The following SNTG2 variants were observed in gnomAD, a reference collection of about 807,000 sequenced individuals.
SNTG2 encodes syntrophin gamma 2, also known as gamma-2-syntrophin.
Under a neutral mutation model 70.9 loss-of-function variants are expected in SNTG2, and 74 were observed. The ratio of observed to expected loss-of-function variants is 1.04; its 90% CI spans 0.86 to 1.27. The LOEUF is 1.27. SNTG2 is among the 50% of genes most tolerant of loss of function. The pLI, the probability that SNTG2 is intolerant of heterozygous loss-of-function variation, is 0.00. For synonymous variants in SNTG2, 278 were observed against 273.8 expected, an observed-to-expected ratio of 1.02 and a Z score of -0.15; for missense variants, 717 against 690.7, an observed-to-expected ratio of 1.04 and a Z score of -0.43.
At chr2:1,264,086 T>G (rs139889559) in intron 13 of SNTG2, among the ~76,000 whole-genome samples, 110 of 152,346 alleles carry the variant, frequency 7.2e-4, no homozygotes, top group African/African-American at 2.5e-3. Context: ...TAAAAACCTC[T>G]TAAGACAAAC....
At chr2:1,341,247 A>G (rs778443792) in intron 16 of SNTG2, 1 of 152,204 alleles carries the variant, frequency 6.6e-6, no homozygotes, top group African/African-American at 2.4e-5. Context: ...GCTCAGGATG[A>G]TCCCTTTGTT....
chr2:1,322,982 G>A (rs73179440), intron 16 of SNTG2, among the ~76,000 whole-genome samples: 2,106 of 152,280 alleles, frequency 0.014, 44 homozygotes, highest in African/African-American at 0.046. Flanking sequence ...AAACTCATGA[G>A]CCAACCCCTT....
At chr2:1,253,675 G>C (rs1348896004) in intron 12 of SNTG2, among the ~76,000 whole-genome samples, 2 of 152,198 alleles carry the variant, frequency 1.3e-5, no homozygotes, top group East Asian at 3.9e-4. Context: ...ATTCGTCTGT[G>C]TTCACATTGC....
chr2:1,311,515 A>G (rs990601999), intron 15 of SNTG2, among the ~76,000 whole-genome samples: 1 of 152,216 alleles, frequency 6.6e-6, no homozygotes, highest in Non-Finnish European at 1.5e-5. Flanking sequence ...AAATGTTTAT[A>G]ATTTTCCTTT....
At chr2:1,318,487 G>T (rs1243713733) in intron 16 of SNTG2, among the ~76,000 whole-genome samples, 1 of 152,234 alleles carries the variant, frequency 6.6e-6, no homozygotes, top group African/African-American at 2.4e-5. Context: ...AAACCTGAAT[G>T]CAGATGGTAC....
At chr2:1,293,364 CTTT>C (rs1212736025) in intron 14 of SNTG2, among the ~76,000 whole-genome samples, 2 of 151,810 alleles carry the variant, frequency 1.3e-5, no homozygotes, top group South Asian at 4.1e-4. Flanking sequence ...AAAATTTCTT[CTTT>C]AATCTTTATT....
chr2:1,053,656 C>T (rs1010281713), intron 1 of SNTG2, among the ~76,000 whole-genome samples: 4 of 152,078 alleles, frequency 2.6e-5, no homozygotes, highest in African/African-American at 9.7e-5. Flanking sequence ...CTCTGTCGTC[C>T]TCTCCACATC....
intron 1 of SNTG2, among the ~76,000 whole-genome samples, chr2:1,041,663 C>T (rs1661445249): frequency 6.6e-6 from 1 of 152,172 alleles, no homozygotes; most frequent in Non-Finnish European, 1.5e-5. Flanking sequence ...TGCTCCTGCT[C>T]TGCCTTCACC....
chr2:973,502 T>A (rs1558287445), intron 1 of SNTG2, among the ~76,000 whole-genome samples: 1 of 151,758 alleles, frequency 6.6e-6, no homozygotes, highest in Non-Finnish European at 1.5e-5. Context: ...TCTCTGGGCT[T>A]CTTGGGGGTG....
At chr2:1,220,222 G>A (rs1674661877) in intron 9 of SNTG2, among the ~76,000 whole-genome samples, 1 of 152,260 alleles carries the variant, frequency 6.6e-6, no homozygotes, top group South Asian at 2.1e-4. Flanking sequence ...GTTATGGAAT[G>A]TGGGAATGTG....
chr2:1,035,186 T>C (rs1262404316), intron 1 of SNTG2, among the ~76,000 whole-genome samples: 1 of 152,202 alleles, frequency 6.6e-6, no homozygotes, highest in African/African-American at 2.4e-5. Flanking sequence ...GATACAACAA[T>C]CCTTTATTTT....
intron 1 of SNTG2, among the ~76,000 whole-genome samples, chr2:956,288 CT>C (rs1450562414): frequency 6.6e-6 from 1 of 151,048 alleles, no homozygotes; most frequent in African/African-American, 2.4e-5. Context: ...GCACCTCCCC[CT>C]GCGCCTGCCC....
chr2:1,216,242 C>A (rs1432443352), intron 9 of SNTG2, among the ~76,000 whole-genome samples: 2 of 151,824 alleles, frequency 1.3e-5, no homozygotes, highest in Non-Finnish European at 2.9e-5. Flanking sequence ...TTAATGATTG[C>A]CATTCTAACT....
At chr2:971,165 G>A (rs138731468) in intron 1 of SNTG2, among the ~76,000 whole-genome samples, 48 of 152,308 alleles carry the variant, frequency 3.2e-4, no homozygotes, top group African/African-American at 1.2e-3. Context: ...AATGAGTTAT[G>A]GAGGAATCCT....
At chr2:1,227,378 C>T (rs144675540) in intron 9 of SNTG2, among the ~76,000 whole-genome samples, 619 of 152,360 alleles carry the variant, frequency 4.1e-3, no homozygotes, top group Middle Eastern at 6.8e-3. Flanking sequence ...GCCGAGGCCA[C>T]GGATGGGTGG....
intron 1 of SNTG2, among the ~76,000 whole-genome samples, chr2:977,177 G>A (rs1677268431): frequency 6.6e-6 from 1 of 152,230 alleles, no homozygotes; most frequent in East Asian, 1.9e-4. Flanking sequence ...GGCAGTACAC[G>A]CTGTAAGTAT....
intron 12 of SNTG2, among the ~76,000 whole-genome samples, chr2:1,258,034 C>T (rs1678220593): frequency 6.6e-6 from 1 of 152,000 alleles, no homozygotes; most frequent in Non-Finnish European, 1.5e-5. Flanking sequence ...GGTGGATCCA[C>T]AATTCTGTAT....
rs889220366 is a variant in SNTG2 at position 1,215,501 on chromosome 2, AT to A, written c.719+6279del. Among the ~76,000 whole-genome samples, 9 of 150,678 alleles carry A rather than the reference AT, an allele frequency of 6.0e-5. No individual in the cohort carries two copies. The South Asian group carries it at 1.1e-3, about 18-fold the overall frequency. ...TGTGATAGGTTGTATGTTTCTAGGAATTTTTTTTAACATTTTTAAAAGCGTG... is the reference window on the plus strand; with the variant it reads ...TGTGATAGGTTGTATGTTTCTAGGAATTTTTTTAACATTTTTAAAAGCGTG... On this transcript the variant is annotated intron_variant, in intron 9 of 16. Transcript: ENST00000308624.
intron 1 of SNTG2, among the ~76,000 whole-genome samples, chr2:992,210 A>G (rs960870789): frequency 6.6e-6 from 1 of 152,210 alleles, no homozygotes; most frequent in Admixed American, 6.5e-5. Context: ...AGGTACATTC[A>G]CAGAACAGGA....
Sources: allele counts gnomAD v4.1 joint callset (sites outside exome capture counted in the v4.1 genomes callset), GRCh38; gene constraint gnomAD v4.1.1; transcripts MANE v1.5; gene names NCBI Gene and HGNC (gene_info 2026-07-23, HGNC 2026-07-21).